The following DCLK2 variants were observed in gnomAD, a reference collection of about 807,000 sequenced individuals.
The protein encoded by DCLK2 is serine/threonine-protein kinase DCLK2.
Under a neutral mutation model 78.4 loss-of-function variants are expected in DCLK2, and 31 were observed. The observed-to-expected ratio is 0.40, with a 90% CI of 0.30 to 0.53. The LOEUF (loss-of-function observed/expected upper bound fraction) is 0.53. Among genes scored for constraint, DCLK2 ranks in the 20% least tolerant of loss-of-function variants. The pLI, the probability that DCLK2 is intolerant of heterozygous loss-of-function variation, is 0.61. For synonymous variants in DCLK2, 407 were observed against 374.9 expected (o/e 1.09, Z -0.99); for missense variants, 872 against 973.7 (o/e 0.90, Z 1.39).
At chr4:150,252,789 G>A (rs1037396919) in intron 15 of DCLK2, among the ~76,000 whole-genome samples, 10 of 152,184 alleles carry the variant, frequency 6.6e-5, no homozygotes, top group South Asian at 6.2e-4. Context: ...GTCATTTTGC[G>A]CATGTTGGCA....
chr4:150,220,967 G>A (rs547631309), intron 6 of DCLK2, among the ~76,000 whole-genome samples, 189 bp downstream of exon 6: 1 of 152,340 alleles, frequency 6.6e-6, no homozygotes, highest in African/African-American at 2.4e-5. Context: ...AAATCTCATT[G>A]TCATTAACTA....
intron 2 of DCLK2, among the ~76,000 whole-genome samples, chr4:150,167,810 A>G (rs556060874): frequency 4.7e-4 from 72 of 152,344 alleles, no homozygotes; most frequent in Middle Eastern, 6.8e-3. Flanking sequence ...GAGTGGGCTC[A>G]AGCATGTGCA....
intron 2 of DCLK2, among the ~76,000 whole-genome samples, chr4:150,114,381 C>G (rs1451050371): frequency 2.0e-5 from 3 of 152,046 alleles, no homozygotes; most frequent in African/African-American, 7.3e-5. Context: ...CTGTCTATCT[C>G]TTTTCTTAGG....
chr4:150,142,193 A>G (rs1236206598), intron 2 of DCLK2, among the ~76,000 whole-genome samples: 1 of 152,194 alleles, frequency 6.6e-6, no homozygotes, highest in Non-Finnish European at 1.5e-5. Flanking sequence ...TCTCTCATTC[A>G]TCACTCCCTT....
chr4:150,105,239 T>C (rs377460798), intron 2 of DCLK2, among the ~76,000 whole-genome samples: 3 of 152,162 alleles, frequency 2.0e-5, no homozygotes, highest in Admixed American at 6.5e-5. Context: ...TAAGGTTGAA[T>C]GGACAACATA....
In DCLK2 at chr4:150,232,333, A is replaced by G; in HGVS notation, c.1300-4A>G. ...ATCTCCTCTCTATACCGTTCATTTGACAGGAACACCTGATTGAGAATGAAG... is the reference window on the plus strand; with the variant it reads ...ATCTCCTCTCTATACCGTTCATTTGGCAGGAACACCTGATTGAGAATGAAG... On this transcript the variant is annotated splice_region_variant and splice_polypyrimidine_tract_variant and intron_variant, in intron 8 of 15. Coordinates refer to ENST00000296550, the MANE Select transcript of DCLK2 (RefSeq NM_001040260.4). The G allele has an allele frequency of 3.1e-6, 5 of 1,613,720 alleles. No individual in the cohort carries two copies. The South Asian group carries it at 5.5e-5, about 18-fold the overall frequency.
intron 2 of DCLK2, among the ~76,000 whole-genome samples, chr4:150,163,797 C>T (rs926059027): frequency 6.6e-6 from 1 of 152,196 alleles, no homozygotes; most frequent in Non-Finnish European, 1.5e-5. Flanking sequence ...CTTGCATTGT[C>T]ATTTGGACCT....
chr4:150,207,355 C>G (rs959105020), intron 5 of DCLK2, among the ~76,000 whole-genome samples: 1 of 152,112 alleles, frequency 6.6e-6, no homozygotes, highest in African/African-American at 2.4e-5. Flanking sequence ...TGTTCTGTCA[C>G]CGTTTTTCCC....
intron 2 of DCLK2, among the ~76,000 whole-genome samples, chr4:150,125,515 A>G (rs1377603409): frequency 3.9e-5 from 6 of 152,186 alleles, no homozygotes; most frequent in Non-Finnish European, 5.9e-5. Context: ...TTTTGAGCCA[A>G]TGTTTGGTAA....
At chr4:150,132,842 A>G (rs1348743529) in intron 2 of DCLK2, among the ~76,000 whole-genome samples, 1 of 152,134 alleles carries the variant, frequency 6.6e-6, no homozygotes, top group Non-Finnish European at 1.5e-5. Flanking sequence ...TGCCCAAGCC[A>G]GTCTCAAACT....
intron 5 of DCLK2, among the ~76,000 whole-genome samples, chr4:150,215,628 G>A (rs552852543): frequency 1.3e-5 from 2 of 152,292 alleles, no homozygotes; most frequent in African/African-American, 4.8e-5. Flanking sequence ...CTCCAGAAAC[G>A]TCCACATACT....
At chr4:150,098,574 G>A (rs1730633079) in intron 1 of DCLK2, among the ~76,000 whole-genome samples, 1 of 152,156 alleles carries the variant, frequency 6.6e-6, no homozygotes, top group Non-Finnish European at 1.5e-5. Flanking sequence ...TTACATGGGT[G>A]AATTGTCTAG....
intron 1 of DCLK2, among the ~76,000 whole-genome samples, chr4:150,092,004 G>C (rs533759558): frequency 6.6e-6 from 1 of 152,126 alleles, no homozygotes; most frequent in African/African-American, 2.4e-5. Flanking sequence ...CACTATTCTA[G>C]TCTCTGTTTT....
At chr4:150,118,990 A>G (rs1580536538) in intron 2 of DCLK2, among the ~76,000 whole-genome samples, 1 of 152,008 alleles carries the variant, frequency 6.6e-6, no homozygotes, top group South Asian at 2.1e-4. Flanking sequence ...ACGCCACTGC[A>G]CTCCAGCCTC....
At chr4:150,232,644 T>A (rs1271258319) in intron 9 of DCLK2, 38 bp from the exon 10 acceptor site, 1 of 1,604,968 alleles carries the variant, frequency 6.2e-7, no homozygotes, top group Non-Finnish European at 8.5e-7. Context: ...AGGATTGCAC[T>A]GTTGATGCTT....
At chr4:150,197,015 C>T (rs1208704292) in intron 3 of DCLK2, among the ~76,000 whole-genome samples, 1 of 151,988 alleles carries the variant, frequency 6.6e-6, no homozygotes, top group Non-Finnish European at 1.5e-5. Flanking sequence ...ATTAACCAGG[C>T]GTGGTGGTGG....
At chr4:150,131,479 C>T (rs976791025) in intron 2 of DCLK2, among the ~76,000 whole-genome samples, 43 of 152,086 alleles carry the variant, frequency 2.8e-4, no homozygotes, top group African/African-American at 1.0e-3. Context: ...TGCTGTTAGG[C>T]TGATATGACC....
chr4:150,256,227 T>TAC lies in DCLK2; in HGVS notation c.2281_2282insAC (p.Trp761TyrfsTer140). On this transcript the variant is annotated frameshift_variant, in exon 16 of 16. Transcript: ENST00000296550. LOFTEE classifies it high-confidence loss of function. ...CCCGGGTGGTGAGCGGGCAGGAACCTGGCGCCGCCACCGAGACTGAGCCTC... is the reference window on the plus strand; with the variant it reads ...CCCGGGTGGTGAGCGGGCAGGAACCTACGGCGCCGCCACCGAGACTGAGCCTC... 1.4e-6 allele frequency: 2 copies of TAC among 1,477,630 alleles called. No individual in the cohort carries two copies. The highest frequency in any genetic ancestry group is 2.9e-5 in the East Asian group (1 of 34,538). The allele number at this position is 1,477,630 out of a possible 1,614,324, so 91.5% of individuals were successfully genotyped here.
intron 2 of DCLK2, among the ~76,000 whole-genome samples, chr4:150,166,333 T>A (rs539742193): frequency 6.6e-6 from 1 of 151,862 alleles, no homozygotes; most frequent in Admixed American, 6.6e-5. Flanking sequence ...CTACATAAAA[T>A]TTTTAAAAAA....
Sources: gnomAD v4.1 joint callset for allele counts (sites outside exome capture counted in the v4.1 genomes callset) on GRCh38, gnomAD v4.1.1 for gene constraint, MANE v1.5 for transcripts, NCBI Gene and HGNC (gene_info 2026-07-23, HGNC 2026-07-21) for gene names.